Variants in TSPAN5 observed in about 807,000 individuals in gnomAD.
TSPAN5 encodes the protein tetraspanin 5.
A neutral mutation model predicts 37.1 loss-of-function variants in TSPAN5; 10 were observed. That is an observed-to-expected ratio of 0.27 (90% CI 0.17 to 0.46). TSPAN5 has a LOEUF of 0.46. Ranked by LOEUF, TSPAN5 falls within the 20% of genes least tolerant of loss-of-function variation. The pLI is 1.00. For synonymous variants in TSPAN5, 110 were observed against 118.9 expected, an observed-to-expected ratio of 0.93 and a Z score of 0.48; for missense variants, 195 against 326.6, an observed-to-expected ratio of 0.60 and a Z score of 3.11.
At chr4:98,552,557 T>C (rs1754647107) in intron 1 of TSPAN5, among the ~76,000 whole-genome samples, 1 of 152,238 alleles carries the variant, frequency 6.6e-6, no homozygotes, top group South Asian at 2.1e-4. Context: ...ATGGTAAGGA[T>C]GTGACCCAAT....
At position 98,486,780 on chromosome 4, in the gene TSPAN5, C is replaced by T. The variant is rs1211263755; in HGVS notation, c.237G>A (p.Gly79=). Residue 79 remains glycine, a synonymous_variant, in exon 3 of 8, where the codon GGG becomes GGA. Transcript: ENST00000305798. The part of the protein sequence containing the change: ...GGVMFILGFA[G]CIGALRENTF... The stretch of plus-strand genomic sequence containing the variant: ...TGTTTTCCCGTAGCGCTCCAATGCA[C>T]CCTGCAAATCCCAAAATGAACATCA... 1 of 1,614,056 alleles carries T rather than the reference C, an allele frequency of 6.2e-7. No homozygotes were observed. The highest frequency in any genetic ancestry group is 8.5e-7 in the Non-Finnish European group (1 of 1,180,012).
chr4:98,605,828 C>CA (rs987612452), intron 1 of TSPAN5, among the ~76,000 whole-genome samples: 2 of 152,108 alleles, frequency 1.3e-5, no homozygotes, highest in South Asian at 2.1e-4. Context: ...CAGCATTGGT[C>CA]AAAAAAATCA....
intron 1 of TSPAN5, among the ~76,000 whole-genome samples, chr4:98,563,350 C>T (rs2110171282): frequency 6.6e-6 from 1 of 152,268 alleles, no homozygotes; most frequent in Non-Finnish European, 1.5e-5. Context: ...CTTACATCCT[C>T]TACATTTAAG....
chr4:98,624,660 C>T (rs1246909567), intron 1 of TSPAN5, among the ~76,000 whole-genome samples: 1 of 152,102 alleles, frequency 6.6e-6, no homozygotes, highest in East Asian at 1.9e-4. Context: ...TGTCCCTGTC[C>T]CTAGTTCAGA....
intron 1 of TSPAN5, among the ~76,000 whole-genome samples, chr4:98,636,749 C>T (rs1224597738): frequency 6.6e-6 from 1 of 152,176 alleles, no homozygotes; most frequent in Non-Finnish European, 1.5e-5. Context: ...ACTGAAATGT[C>T]AAATGTAATT....
At chr4:98,655,174 TTTTGTTTG>T (rs1002526206) in intron 1 of TSPAN5, among the ~76,000 whole-genome samples, 1 of 152,116 alleles carries the variant, frequency 6.6e-6, no homozygotes, top group African/African-American at 2.4e-5. Flanking sequence ...GTTTTTTGTT[TTTTGTTTG>T]TTTGTTTTTT....
intron 1 of TSPAN5, among the ~76,000 whole-genome samples, chr4:98,540,387 G>A (rs1166348357): frequency 2.0e-5 from 3 of 152,048 alleles, no homozygotes; most frequent in African/African-American, 7.2e-5. Context: ...GCCCAGGCTG[G>A]AGTGCAGTGG....
chr4:98,590,744 A>G (rs960682453), intron 1 of TSPAN5, among the ~76,000 whole-genome samples: 7 of 151,898 alleles, frequency 4.6e-5, no homozygotes, highest in Non-Finnish European at 1.0e-4. Flanking sequence ...GAGATGAATT[A>G]ACTTGTCCGA....
At chr4:98,551,478 T>C (rs1171109486) in intron 1 of TSPAN5, among the ~76,000 whole-genome samples, 1 of 135,842 alleles carries the variant, frequency 7.4e-6, no homozygotes, top group Non-Finnish European at 1.5e-5. Context: ...GTATGGTTTT[T>C]TCCTTTTTCT....
chr4:98,555,779 T>C (rs148097767), intron 1 of TSPAN5, among the ~76,000 whole-genome samples: 1 of 152,310 alleles, frequency 6.6e-6, no homozygotes, highest in Non-Finnish European at 1.5e-5. Flanking sequence ...TGCCTTGCTT[T>C]ACCCACAACC....
At chr4:98,637,486 T>A (rs1351819886) in intron 1 of TSPAN5, among the ~76,000 whole-genome samples, 2 of 152,262 alleles carry the variant, frequency 1.3e-5, no homozygotes, top group Non-Finnish European at 2.9e-5. Context: ...AATTTGGTTT[T>A]GACTAAATGT....
At chr4:98,494,830 C>A (rs777835156) in intron 2 of TSPAN5, among the ~76,000 whole-genome samples, 1 of 152,046 alleles carries the variant, frequency 6.6e-6, no homozygotes, top group African/African-American at 2.4e-5. Flanking sequence ...TCATGCCTAA[C>A]AGAGGTGACA....
Position 98,544,825 on chromosome 4 carries a change from T to G in TSPAN5, c.82-37097A>C, listed in dbSNP as rs574443669. On this transcript the variant is annotated intron_variant, in intron 1 of 7. Transcript: ENST00000305798. ...AGTGGAAATGAGGTATATCTTGGAA[T>G]AAGAAGTATCTAGGTGTTAACACTA... Among the ~76,000 whole-genome samples the G allele has an allele frequency of 9.2e-5, 14 of 152,342 alleles. No individual in the cohort carries two copies. The East Asian group carries it at 1.5e-3, about 17-fold the overall frequency.
intron 1 of TSPAN5, among the ~76,000 whole-genome samples, chr4:98,614,880 C>G (rs886878779): frequency 1.3e-5 from 2 of 152,212 alleles, no homozygotes; most frequent in African/African-American, 4.8e-5. Flanking sequence ...TCATGAATGT[C>G]AGGCCCAAGC....
intron 1 of TSPAN5, among the ~76,000 whole-genome samples, chr4:98,591,015 T>G (rs530281053): frequency 2.0e-5 from 3 of 151,982 alleles, no homozygotes; most frequent in Admixed American, 1.3e-4. Flanking sequence ...TGGTTCCCAG[T>G]CATAGCCCAA....
intron 1 of TSPAN5, among the ~76,000 whole-genome samples, chr4:98,637,993 C>T (rs1470200921): frequency 1.3e-5 from 2 of 152,200 alleles, no homozygotes; most frequent in African/African-American, 2.4e-5. Context: ...TTTCTGAGAT[C>T]GGCTCTTCCT....
intron 2 of TSPAN5, among the ~76,000 whole-genome samples, chr4:98,498,935 G>A (rs1465257039): frequency 1.3e-5 from 2 of 152,136 alleles, no homozygotes; most frequent in South Asian, 2.1e-4. Context: ...GAGAAAACAC[G>A]GGGACAGCAC....
At chr4:98,479,633 C>T (rs532913053) in intron 4 of TSPAN5, among the ~76,000 whole-genome samples, 3 of 152,300 alleles carry the variant, frequency 2.0e-5, no homozygotes, top group Admixed American at 6.5e-5. Context: ...CATCTTGCCA[C>T]GGCTCTTCTA....
Position 98,644,828 on chromosome 4 carries a change from G to A in TSPAN5, c.81+13318C>T, listed in dbSNP as rs187964743. On this transcript the variant is annotated intron_variant, in intron 1 of 7. Transcript: ENST00000305798. Reference sequence around the variant, plus strand: ...CATACCTAAGATGTAACTACTCACTGGGCCTAGGGTTAGCAACTTTTCAGA... The same window carrying A: ...CATACCTAAGATGTAACTACTCACTAGGCCTAGGGTTAGCAACTTTTCAGA... 1.6e-3 allele frequency among the ~76,000 whole-genome samples: 237 copies of A among 152,198 alleles called. 1 individual carries two copies. Among genetic ancestry groups the A allele is most frequent in the African/African-American group, 5.3e-3 (220 of 41,520 alleles).
Sources: gnomAD v4.1 joint callset for allele counts (sites outside exome capture counted in the v4.1 genomes callset) on GRCh38, gnomAD v4.1.1 for gene constraint, MANE v1.5 for transcripts, NCBI Gene and HGNC (gene_info 2026-07-23, HGNC 2026-07-21) for gene names.